SEMA5A: variants seen among roughly 807,000 people sequenced by gnomAD.
SEMA5A encodes the protein semaphorin-5A.
A neutral mutation model predicts 135.5 loss-of-function variants in SEMA5A; 55 were observed. The ratio of observed to expected loss-of-function variants is 0.41; its 90% CI spans 0.33 to 0.51. The LOEUF is 0.51. Among genes scored for constraint, SEMA5A ranks in the 20% least tolerant of loss-of-function variants. The pLI, the probability that SEMA5A is intolerant of heterozygous loss-of-function variation, is 0.37. For synonymous variants in SEMA5A, 580 were observed against 546.5 expected, an observed-to-expected ratio of 1.06 and a Z score of -0.85; for missense variants, 1,290 against 1,419.9, an observed-to-expected ratio of 0.91 and a Z score of 1.47.
intron 5 of SEMA5A, among the ~76,000 whole-genome samples, chr5:9,277,167 A>G (rs1236894217): frequency 6.6e-6 from 1 of 152,234 alleles, no homozygotes; most frequent in Non-Finnish European, 1.5e-5. Flanking sequence ...ATGAACAGAC[A>G]CTTCTCAAAA....
chr5:9,369,049 T>A (rs1755027690), intron 3 of SEMA5A, among the ~76,000 whole-genome samples: 1 of 152,240 alleles, frequency 6.6e-6, no homozygotes, highest in African/African-American at 2.4e-5. Context: ...TTGTGCCATA[T>A]CCTTGCCAAC....
In SEMA5A at chr5:9,353,569, G is replaced by A. The variant is rs371358830; in HGVS notation, c.125-15757C>T. ...ATTAGCTTAGAAAGAGCCCCTAATCGTTCACCAGATATCATATATCTGGTT... is the reference window on the plus strand; with the variant it reads ...ATTAGCTTAGAAAGAGCCCCTAATCATTCACCAGATATCATATATCTGGTT... On this transcript the variant is annotated intron_variant, in intron 3 of 22. Coordinates refer to ENST00000382496, the MANE Select transcript of SEMA5A (RefSeq NM_003966.3). 6.2e-4 allele frequency among the ~76,000 whole-genome samples: 94 copies of A among 152,178 alleles called. 3 individuals carry two copies. The East Asian group carries it at 0.011, about 18-fold the overall frequency.
chr5:9,176,154 T>C (rs974918824), intron 11 of SEMA5A, among the ~76,000 whole-genome samples: 1 of 152,196 alleles, frequency 6.6e-6, no homozygotes, highest in African/African-American at 2.4e-5. Flanking sequence ...TGAGCCTGAC[T>C]TAATAAAGTG....
chr5:9,529,587 C>A (rs1177309148), intron 1 of SEMA5A, among the ~76,000 whole-genome samples: 1 of 152,214 alleles, frequency 6.6e-6, no homozygotes. Flanking sequence ...GACCTATAGG[C>A]CTCTGCCAGC....
At chr5:9,125,134 GT>G (rs1431294901) in intron 13 of SEMA5A, among the ~76,000 whole-genome samples, 4 of 152,132 alleles carry the variant, frequency 2.6e-5, no homozygotes, top group Non-Finnish European at 5.9e-5. Flanking sequence ...AGTGTTCGTT[GT>G]TTTTGACATG....
At chr5:9,529,361 A>T (rs1737320073) in intron 1 of SEMA5A, among the ~76,000 whole-genome samples, 1 of 152,214 alleles carries the variant, frequency 6.6e-6, no homozygotes, top group African/African-American at 2.4e-5. Flanking sequence ...CTACTTGGCC[A>T]GCCCTCGTGG....
At chr5:9,413,996 C>T (rs920681084) in intron 2 of SEMA5A, among the ~76,000 whole-genome samples, 2 of 152,230 alleles carry the variant, frequency 1.3e-5, no homozygotes, top group African/African-American at 4.8e-5. Context: ...TGGAACAGAA[C>T]ATTTCCTAAC....
At chr5:9,159,648 T>C (rs1352297890) in intron 11 of SEMA5A, among the ~76,000 whole-genome samples, 1 of 152,202 alleles carries the variant, frequency 6.6e-6, no homozygotes, top group Non-Finnish European at 1.5e-5. Flanking sequence ...GTATGATGAT[T>C]CTTCAAGGAT....
intron 12 of SEMA5A, among the ~76,000 whole-genome samples, chr5:9,151,104 CTACTT>C (rs1167562951): frequency 2.0e-5 from 3 of 152,152 alleles, no homozygotes; most frequent in Admixed American, 6.5e-5. Context: ...ATATGGTATG[CTACTT>C]TACTTTCAGG....
chr5:9,528,938 G>A lies in SEMA5A; in HGVS notation c.-175+16646C>T, dbSNP rs372460864. On this transcript the variant is annotated intron_variant, in intron 1 of 22. Coordinates refer to ENST00000382496, the MANE Select transcript of SEMA5A (RefSeq NM_003966.3). ...GAGTCTCTAGATTTCAGGAGAACCT[G>A]GCTCCAGAGACCAGGCAGGGCTTTA... 2.1e-3 allele frequency among the ~76,000 whole-genome samples: 318 copies of A among 152,336 alleles called. 1 individual carries two copies. In the South Asian group the frequency reaches 0.033, roughly 16 times the overall value.
chr5:9,066,544 C>T lies in SEMA5A; in HGVS notation c.2176G>A (p.Glu726Lys), dbSNP rs1361616618. The T allele has an allele frequency of 6.2e-7, 1 of 1,614,080 alleles. No homozygotes were observed. The highest frequency in any genetic ancestry group is 1.1e-5 in the South Asian group (1 of 91,076). The change falls in exon 17 of 23, where the codon GAG becomes AAG. Residue 726 changes from glutamate to lysine, a missense_variant. Around this residue, in one of 3 missense-constraint regions of SEMA5A, gnomAD observed 1,029 missense variants for 1,086.6 expected, o/e 0.95. Transcript: ENST00000382496. ...VNISDNGGHY[E>K]QRFRYTCKAR... ...TTGCATGTGTATCGGAATCGTTGCT[C>T]ATAGTGGCCGCCGTTGTCAGAGATG...
intron 2 of SEMA5A, among the ~76,000 whole-genome samples, chr5:9,434,927 G>A (rs796123641): frequency 3.2e-4 from 49 of 152,224 alleles, no homozygotes; most frequent in African/African-American, 1.1e-3. Context: ...ATTGCTTAAA[G>A]AAACACAAAT....
At chr5:9,206,951 G>A (rs1367279786) in intron 8 of SEMA5A, among the ~76,000 whole-genome samples, 2 of 145,906 alleles carry the variant, frequency 1.4e-5, no homozygotes, top group East Asian at 2.2e-4. Context: ...TTTTGGCATC[G>A]TGTACAGGCA....
intron 7 of SEMA5A, 97 bp downstream of exon 7, chr5:9,226,772 C>T (rs1747333078): frequency 1.1e-6 from 1 of 901,856 alleles, no homozygotes; most frequent in Non-Finnish European, 1.8e-6. Flanking sequence ...AACAGCAACA[C>T]CTTGGTGTAT....
Position 9,136,667 on chromosome 5 carries a change from T to C in SEMA5A, c.1482-46A>G, listed in dbSNP as rs755062847. The stretch of plus-strand genomic sequence containing the variant: ...GTCAACAGAAAGGTCGCTTTACCCA[T>C]GATAAGATACACAAGACAAGGCGAA... On this transcript the variant is annotated intron_variant, in intron 12 of 22. Coordinates refer to ENST00000382496, the MANE Select transcript of SEMA5A (RefSeq NM_003966.3). The C allele has an allele frequency of 9.9e-6, 15 of 1,509,492 alleles. No homozygotes were observed. In the South Asian group the frequency reaches 1.7e-4, roughly 17 times the overall value. The allele number at this position is 1,509,492 out of a possible 1,614,324, so 93.5% of individuals were successfully genotyped here.
chr5:9,382,031 C>T (rs1388909069), intron 2 of SEMA5A, among the ~76,000 whole-genome samples: 10 of 150,806 alleles, frequency 6.6e-5, no homozygotes, highest in African/African-American at 2.2e-4. Flanking sequence ...CATGGTGGCT[C>T]ATGCCTGTAA....
At chr5:9,180,453 C>T (rs1579553764) in intron 11 of SEMA5A, among the ~76,000 whole-genome samples, 1 of 151,956 alleles carries the variant, frequency 6.6e-6, no homozygotes, top group South Asian at 2.1e-4. Context: ...CAAGTCCAGA[C>T]TTGGTTTGGA....
At chr5:9,470,888 G>A (rs1759452432) in intron 1 of SEMA5A, among the ~76,000 whole-genome samples, 1 of 152,144 alleles carries the variant, frequency 6.6e-6, no homozygotes, top group Non-Finnish European at 1.5e-5. Context: ...CAGCAACCTG[G>A]CCCATAGAAA....
At chr5:9,229,373 GAACAA>G (rs1469429869) in intron 6 of SEMA5A, among the ~76,000 whole-genome samples, 4 of 152,082 alleles carry the variant, frequency 2.6e-5, no homozygotes, top group Non-Finnish European at 5.9e-5. Context: ...TAAAGGGAAA[GAACAA>G]AACAAAAGAC....
Sources: allele counts gnomAD v4.1 joint callset (sites outside exome capture counted in the v4.1 genomes callset), GRCh38; gene constraint gnomAD v4.1.1; regional missense constraint gnomAD v4.1.1; transcripts MANE v1.5; gene names NCBI Gene and HGNC (gene_info 2026-07-23, HGNC 2026-07-21).